Variants in USP13 observed in about 807,000 individuals in gnomAD.
USP13 encodes the protein ubiquitin specific peptidase 13, also known as ubiquitin carboxyl-terminal hydrolase 13.
In USP13, 68 loss-of-function variants were observed where a neutral mutation model predicts 107.8. The ratio of observed to expected loss-of-function variants is 0.63; its 90% CI spans 0.52 to 0.77. The LOEUF (loss-of-function observed/expected upper bound fraction) is 0.77, where lower values mean the gene tolerates loss of function less well. Ranked by LOEUF, USP13 falls within the 30% of genes least tolerant of loss-of-function variation. USP13 has a pLI of 0.00. For missense variants in USP13, 945 were observed against 1,093.3 expected, an observed-to-expected ratio of 0.86 and a Z score of 1.91; for synonymous variants, 377 against 389.5, an observed-to-expected ratio of 0.97 and a Z score of 0.38.
intron 1 of USP13, among the ~76,000 whole-genome samples, chr3:179,654,213 CAAAAAAA>C (rs61231956): frequency 3.8e-5 from 4 of 105,512 alleles, no homozygotes. Context: ...GACTCCGTCT[CAAAAAAA>C]AAAAAAAAAA....
At chr3:179,744,326 C>T (rs567444013) in intron 12 of USP13, among the ~76,000 whole-genome samples, 5 of 150,782 alleles carry the variant, frequency 3.3e-5, no homozygotes, top group African/African-American at 7.3e-5. Context: ...TCTTGCCAGG[C>T]GCTTAGTGGT....
rs1007976558 is a variant in USP13 at position 179,701,109 on chromosome 3, A to G, written c.457A>G (p.Ile153Val). ...PDHYEIALPN[I>V]EELPALVTIA... ...TCACTATGAAATAGCACTACCAAAT[A>G]TTGAGGAGTTACCAGCCCTGGTCAG... The change falls in exon 4 of 21, where the codon ATT becomes GTT. Residue 153 changes from isoleucine to valine, a missense_variant. Transcript: ENST00000263966. 3 of 1,593,840 alleles carry G rather than the reference A, an allele frequency of 1.9e-6. No homozygotes were observed. The African/African-American group carries it at 4.1e-5, about 22-fold the overall frequency.
At chr3:179,655,728 A>G (rs1720239661) in intron 1 of USP13, among the ~76,000 whole-genome samples, 1 of 151,538 alleles carries the variant, frequency 6.6e-6, no homozygotes, top group Non-Finnish European at 1.5e-5. Context: ...CTAGTTTTGT[A>G]TTTTTAGTAG....
rs1275751500 is a variant in USP13 at position 179,742,368 on chromosome 3, G to A, written c.1534+18G>A. ...CAACAAGGGTAACAATTCCAAAGCG[G>A]GAAATTGGTACTGTGTGTCTTCATA... On this transcript the variant is annotated intron_variant, in intron 12 of 20. Coordinates refer to ENST00000263966, the MANE Select transcript of USP13 (RefSeq NM_003940.3). This position sits in a 1 kb window ranked among gnomAD's most constrained non-coding sequence, Gnocchi z 5.0. 1 of 1,613,988 alleles carries A rather than the reference G, an allele frequency of 6.2e-7. No individual in the cohort carries two copies. Among genetic ancestry groups the A allele is most frequent in the South Asian group, 1.1e-5 (1 of 91,026 alleles).
chr3:179,744,481 T>G (rs989357491), intron 12 of USP13, among the ~76,000 whole-genome samples: 2 of 152,186 alleles, frequency 1.3e-5, no homozygotes, highest in African/African-American at 4.8e-5. Flanking sequence ...CCTTACACAA[T>G]GTAACATCTC....
intron 19 of USP13, among the ~76,000 whole-genome samples, chr3:179,780,598 AGCAGTAAG>A (rs941180655): frequency 1.3e-5 from 2 of 152,170 alleles, no homozygotes; most frequent in Admixed American, 6.5e-5. Context: ...GATGAAGGGA[AGCAGTAAG>A]GCAGTAAGGC....
intron 1 of USP13, among the ~76,000 whole-genome samples, chr3:179,675,695 G>A (rs1720874104): frequency 6.6e-6 from 1 of 151,818 alleles, no homozygotes; most frequent in Non-Finnish European, 1.5e-5. Flanking sequence ...CTAGAAGCGT[G>A]TTCCGCCACG....
intron 1 of USP13, among the ~76,000 whole-genome samples, chr3:179,664,079 G>A (rs6775471): frequency 0.79 from 119,255 of 151,886 alleles, 47,509 homozygotes; most frequent in African/African-American, 0.91. Context: ...AAACTACACA[G>A]TTTGTGAACC....
intron 19 of USP13, among the ~76,000 whole-genome samples, chr3:179,774,539 C>CA (rs1560083093): frequency 0.014 from 2,134 of 151,886 alleles, 59 homozygotes; most frequent in African/African-American, 0.05. Flanking sequence ...TCCTCCTGTC[C>CA]GGAGTTGCTC....
Position 179,681,865 on chromosome 3 carries a change from C to T in USP13, c.169-13C>T, listed in dbSNP as rs1305099522. 3 of 1,608,132 alleles carry T rather than the reference C, an allele frequency of 1.9e-6. No homozygotes were observed. The highest frequency in any genetic ancestry group is 1.1e-5 in the South Asian group (1 of 90,138). On this transcript the variant is annotated splice_polypyrimidine_tract_variant and intron_variant, in intron 1 of 20. Coordinates refer to ENST00000263966, the MANE Select transcript of USP13 (RefSeq NM_003940.3). ...GGTGTCGTCGGCTAATGTACTTTTT[C>T]TCTTTCTTCTAGAATTCTGAAGGTG...
At chr3:179,782,783 T>TGG (rs1715791058) in intron 20 of USP13, among the ~76,000 whole-genome samples, 2 of 152,214 alleles carry the variant, frequency 1.3e-5, no homozygotes, top group African/African-American at 4.8e-5. Context: ...TTCACTCTTA[T>TGG]TGCCCAGGCT....
chr3:179,667,070 C>G (rs977478082), intron 1 of USP13, among the ~76,000 whole-genome samples: 2 of 152,230 alleles, frequency 1.3e-5, no homozygotes. Flanking sequence ...TCTCCTCTCC[C>G]TAGCTCTCAC....
At chr3:179,761,926 A>G (rs1167823147) in intron 17 of USP13, among the ~76,000 whole-genome samples, 1 of 152,218 alleles carries the variant, frequency 6.6e-6, no homozygotes, top group East Asian at 1.9e-4. Context: ...TTTTTCTTTT[A>G]TCTACTTTAT....
chr3:179,756,900 G>T (rs1576981235), intron 15 of USP13, 152 bp from the exon 16 acceptor site: 1 of 694,522 alleles, frequency 1.4e-6, no homozygotes, highest in East Asian at 2.5e-5. Flanking sequence ...TGAGGCTGGG[G>T]TGGTCTGCGT....
At chr3:179,658,052 C>G (rs1720334454) in intron 1 of USP13, among the ~76,000 whole-genome samples, 1 of 152,016 alleles carries the variant, frequency 6.6e-6, no homozygotes, top group Non-Finnish European at 1.5e-5. Context: ...ATGTGTAAGA[C>G]TCATTTCCTT....
intron 17 of USP13, 52 bp from the exon 18 acceptor site, chr3:179,763,950 C>CAAAAAAAAA: frequency 8.2e-7 from 1 of 1,225,918 alleles, no homozygotes; most frequent in Non-Finnish European, 1.1e-6. Flanking sequence ...TGTTTCAGGA[C>CAAAAAAAAA]AAAAAAAAAA....
Position 179,772,661 on chromosome 3 carries a change from C to G in USP13, c.2413+6813C>G, listed in dbSNP as rs144664464. On this transcript the variant is annotated intron_variant, in intron 19 of 20. Transcript: ENST00000263966. ...CTCCCACTTAGCACTTGTTGCAGTT[C>G]CTAATTTTTTCAGCGGTGCTGTTGA... is the stretch of plus-strand genomic sequence containing the variant. 9.4e-3 allele frequency among the ~76,000 whole-genome samples: 1,429 copies of G among 152,278 alleles called. 11 individuals carry two copies. Among genetic ancestry groups the G allele is most frequent in the Middle Eastern group, 0.024 (7 of 294 alleles).
At chr3:179,775,967 C>T (rs571664509) in intron 19 of USP13, among the ~76,000 whole-genome samples, 5 of 152,290 alleles carry the variant, frequency 3.3e-5, no homozygotes, top group East Asian at 1.9e-4. Flanking sequence ...GCTCCTCAAG[C>T]GTGGCCAGAG....
At chr3:179,713,037 C>G (rs1423264227) in intron 6 of USP13, among the ~76,000 whole-genome samples, 1 of 152,002 alleles carries the variant, frequency 6.6e-6, no homozygotes, top group African/African-American at 2.4e-5. Context: ...TTTAAGAACT[C>G]TTTGATTATT....
Sources: allele counts gnomAD v4.1 joint callset (sites outside exome capture counted in the v4.1 genomes callset), GRCh38; gene constraint gnomAD v4.1.1; non-coding constraint Gnocchi (gnomAD v3.1); transcripts MANE v1.5; gene names NCBI Gene and HGNC (gene_info 2026-07-23, HGNC 2026-07-21).